SNAPIN: variants seen among roughly 807,000 people sequenced by gnomAD.
SNAPIN encodes the protein SNARE-associated protein Snapin.
A neutral mutation model predicts 15.9 loss-of-function variants in SNAPIN; 16 were observed. That is an observed-to-expected ratio of 1.01 (90% CI 0.68 to 1.53). The LOEUF is 1.53. Ranked by LOEUF, SNAPIN falls within the 40% of genes most tolerant of loss-of-function variation. The probability of loss-of-function intolerance (pLI) is 0.00; values close to 1 mark genes in which losing one functional copy is unlikely to be tolerated. For missense variants in SNAPIN, 186 were observed against 180.1 expected (o/e 1.03, Z -0.19); for synonymous variants, 83 against 76.2 (o/e 1.09, Z -0.46).
At chr1:153,660,357 A>T (rs1052654717) in intron 3 of SNAPIN, among the ~76,000 whole-genome samples, 1 of 151,052 alleles carries the variant, frequency 6.6e-6, no homozygotes, top group Non-Finnish European at 1.5e-5. Flanking sequence ...TTAAATAAAA[A>T]GACAGGATCG....
chr1:153,660,965 T>G (rs1480366588), intron 3 of SNAPIN, among the ~76,000 whole-genome samples: 1 of 151,980 alleles, frequency 6.6e-6, no homozygotes, highest in Non-Finnish European at 1.5e-5. Flanking sequence ...GAGACGGGTT[T>G]TACCATGTTG....
At chr1:153,659,329 A>G (rs1164629858) in intron 2 of SNAPIN, 119 bp from the exon 3 acceptor site, 2 of 1,225,842 alleles carry the variant, frequency 1.6e-6, no homozygotes, top group African/African-American at 3.0e-5. Context: ...GATGTCTTAA[A>G]TCTCTAATGG....
rs763430115 is a variant in SNAPIN, at chr1:153,658,895, G to T, written c.143+9G>T. The T allele has an allele frequency of 5.0e-6, 8 of 1,609,642 alleles. No homozygotes were observed. The highest frequency in any genetic ancestry group is 1.1e-5 in the South Asian group (1 of 90,888). Reference sequence around the variant, plus strand: ...CACGTACACGCCGTCAGGTGCCCGGGAGGGAAGTTGGGGGCGGGGCCTGTC... The same window carrying T: ...CACGTACACGCCGTCAGGTGCCCGGTAGGGAAGTTGGGGGCGGGGCCTGTC... On this transcript the variant is annotated intron_variant, in intron 1 of 3. Coordinates refer to ENST00000368685, the MANE Select transcript of SNAPIN (RefSeq NM_012437.6).
At position 153,659,577 on chromosome 1, in the gene SNAPIN, A is replaced by G; in HGVS notation, c.309+11A>G. On this transcript the variant is annotated intron_variant, in intron 3 of 3. Coordinates refer to ENST00000368685, the MANE Select transcript of SNAPIN (RefSeq NM_012437.6). ...CTACAGAATGCTCAGGTAAAAGAAT[A>G]TCTTACCAACAGTGATTCTTTGCCC... is the stretch of plus-strand genomic sequence containing the variant. The G allele has an allele frequency of 6.4e-7, 1 of 1,560,286 alleles. No individual in the cohort carries two copies. Among genetic ancestry groups the G allele is most frequent in the Non-Finnish European group, 8.8e-7 (1 of 1,130,852 alleles).
chr1:153,660,783 T>G (rs1252899397), intron 3 of SNAPIN, among the ~76,000 whole-genome samples: 1 of 126,730 alleles, frequency 7.9e-6, no homozygotes, highest in Non-Finnish European at 1.6e-5. Flanking sequence ...ATGCCTGGCC[T>G]ACATTTTTTT....
At chr1:153,659,235 C>T (rs1439705023) in intron 2 of SNAPIN, 51 bp downstream of exon 2, 5 of 1,600,130 alleles carry the variant, frequency 3.1e-6, no homozygotes, top group South Asian at 1.1e-5. Context: ...CTTTCAGGAC[C>T]TTAGGTTTTT....
intron 3 of SNAPIN, among the ~76,000 whole-genome samples, chr1:153,660,786 ATT>A (rs34770483): frequency 5.7e-4 from 78 of 137,538 alleles, no homozygotes; most frequent in Admixed American, 6.6e-4. Flanking sequence ...CCTGGCCTAC[ATT>A]TTTTTTTTTT....
At chr1:153,659,404 A>C in intron 2 of SNAPIN, 44 bp from the exon 3 acceptor site, 1 of 1,499,812 alleles carries the variant, frequency 6.7e-7, no homozygotes, top group East Asian at 2.3e-5. Flanking sequence ...TCAGAACAAG[A>C]GATAAGCCGT....
rs749614222 is a variant in SNAPIN at position 153,659,217 on chromosome 1, T to G, written c.190+33T>G. The G allele has an allele frequency of 3.7e-6, 6 of 1,611,910 alleles. No individual in the cohort carries two copies. In the South Asian group the frequency reaches 5.5e-5, roughly 15 times the overall value. On this transcript the variant is annotated intron_variant, in intron 2 of 3. Transcript: ENST00000368685. The stretch of plus-strand genomic sequence containing the variant: ...AGCATCCCTGTGTACCCGGAATTCT[T>G]CAGCCCACTTTCAGGACCTTAGGTT...
At chr1:153,660,674 G>T (rs993577266) in intron 3 of SNAPIN, among the ~76,000 whole-genome samples, 1 of 120,706 alleles carries the variant, frequency 8.3e-6, no homozygotes, top group Non-Finnish European at 1.7e-5. Context: ...AAAAAAAAAA[G>T]ACAGGCTATC....
At position 153,659,562 on chromosome 1, in the gene SNAPIN, C is replaced by G. The variant is rs955754167; in HGVS notation, c.305C>G (p.Ala102Gly). 9 of 1,604,946 alleles carry G rather than the reference C, an allele frequency of 5.6e-6. No individual in the cohort carries two copies. The highest frequency in any genetic ancestry group is 7.7e-6 in the Non-Finnish European group (9 of 1,171,802). ...TTGGTTAACAACATTCTACAGAATGCTCAGGTAAAAGAATATCTTACCAAC... is the reference window on the plus strand; with the variant it reads ...TTGGTTAACAACATTCTACAGAATGGTCAGGTAAAAGAATATCTTACCAAC... ...VVLVNNILQN[A>G]QERLRRLNHS... Residue 102 changes from alanine (A) to glycine (G), a missense_variant, in exon 3 of 4, where the codon GCT becomes GGT. Coordinates refer to ENST00000368685, the MANE Select transcript of SNAPIN (RefSeq NM_012437.6).
At chr1:153,659,718 C>G in intron 3 of SNAPIN, 152 bp downstream of exon 3, 1 of 635,180 alleles carries the variant, frequency 1.6e-6, no homozygotes, top group Non-Finnish European at 2.8e-6. Flanking sequence ...GTCTCATTCT[C>G]ACTATTCAGT....
At chr1:153,660,816 CCTCT>C (rs1029711675) in intron 3 of SNAPIN, among the ~76,000 whole-genome samples, 5 of 148,872 alleles carry the variant, frequency 3.4e-5, no homozygotes, top group African/African-American at 1.2e-4. Context: ...TGGAGTTCTC[CCTCT>C]GTCACCCAGG....
rs1260148190 is a variant in SNAPIN, at chr1:153,661,508, CTTACA to C, written c.*211_*215del. 1 of 388,094 alleles carries C rather than the reference CTTACA, an allele frequency of 2.6e-6. No individual in the cohort carries two copies. The highest frequency in any genetic ancestry group is 3.8e-5 in the South Asian group (1 of 26,472). 24.0% of individuals were successfully genotyped at this position (388,094 alleles called of 1,614,324 possible). ...CAGCCAGAATGAGGTTCCCAAAGGACTTACATTAATTATGGCTCTTGCTTCCTTTC... is the reference window on the plus strand; with the variant it reads ...CAGCCAGAATGAGGTTCCCAAAGGACTTAATTATGGCTCTTGCTTCCTTTC... On this transcript the variant is annotated 3_prime_UTR_variant, in exon 4 of 4. Transcript: ENST00000368685.
At chr1:153,659,238 A>C (rs2101707634) in intron 2 of SNAPIN, 54 bp downstream of exon 2, 1 of 1,590,980 alleles carries the variant, frequency 6.3e-7, no homozygotes, top group East Asian at 2.2e-5. Context: ...TCAGGACCTT[A>C]GGTTTTTGCC....
intron 3 of SNAPIN, 135 bp downstream of exon 3, chr1:153,659,701 A>G: frequency 1.5e-6 from 1 of 674,780 alleles, no homozygotes; most frequent in Non-Finnish European, 2.6e-6. Flanking sequence ...AATACCTAGG[A>G]AAATTCGTCT....
intron 3 of SNAPIN, among the ~76,000 whole-genome samples, chr1:153,660,516 C>T (rs942275116): frequency 3.9e-5 from 6 of 151,956 alleles, no homozygotes; most frequent in Admixed American, 1.3e-4. Flanking sequence ...GGCGTGGTAG[C>T]GCATGCCTGT....
chr1:153,659,354 G>T, intron 2 of SNAPIN, 94 bp from the exon 3 acceptor site: 2 of 1,267,684 alleles, frequency 1.6e-6, no homozygotes, highest in South Asian at 1.2e-5. Context: ...GGCCCGTTTG[G>T]GTGCAAGTGT....
At chr1:153,660,649 G>A (rs1262946933) in intron 3 of SNAPIN, among the ~76,000 whole-genome samples, 3 of 121,136 alleles carry the variant, frequency 2.5e-5, no homozygotes, top group African/African-American at 9.9e-5. Context: ...ACTCCGTCTC[G>A]GGAAAAAAAA....
Sources: gnomAD v4.1 joint callset for allele counts (sites outside exome capture counted in the v4.1 genomes callset) on GRCh38, gnomAD v4.1.1 for gene constraint, MANE v1.5 for transcripts, NCBI Gene and HGNC (gene_info 2026-07-23, HGNC 2026-07-21) for gene names.